The following COL28A1 variants were observed in gnomAD, a reference collection of about 807,000 sequenced individuals.
COL28A1 encodes the protein collagen alpha-1(XXVIII) chain.
In COL28A1, 161 loss-of-function variants were observed where a neutral mutation model predicts 150.2. The observed-to-expected ratio is 1.07, with a 90% CI of 0.94 to 1.22. COL28A1 has a LOEUF of 1.22. Ranked by LOEUF, COL28A1 falls within the 50% of genes most tolerant of loss-of-function variation. COL28A1 has a pLI of 0.00. For synonymous variants in COL28A1, 552 were observed against 469.7 expected, an observed-to-expected ratio of 1.18 and a Z score of -2.26; for missense variants, 1,617 against 1,388.3, an observed-to-expected ratio of 1.16 and a Z score of -2.62.
chr7:7,394,347 C>T (rs1782720974), intron 27 of COL28A1, among the ~76,000 whole-genome samples: 1 of 152,184 alleles, frequency 6.6e-6, no homozygotes, highest in African/African-American at 2.4e-5. Flanking sequence ...ATTGATCTCA[C>T]TGGGAGCTGC....
rs139749295 is a variant in COL28A1 at position 7,386,487 on chromosome 7, T to C, written c.2137-4875A>G. ...TGCAGGGCATCCCGCCAATTCAGCA[T>C]CTAAGGAAAGTCAAGATCCTTCAAG... On this transcript the variant is annotated intron_variant, in intron 27 of 34. Coordinates refer to ENST00000399429, the MANE Select transcript of COL28A1 (RefSeq NM_001037763.3). 5.9e-5 allele frequency among the ~76,000 whole-genome samples: 9 copies of C among 152,322 alleles called. No homozygotes were observed. The East Asian group carries it at 9.6e-4, about 16-fold the overall frequency.
At chr7:7,410,003 C>T (rs1783693708) in intron 27 of COL28A1, among the ~76,000 whole-genome samples, 1 of 152,198 alleles carries the variant, frequency 6.6e-6, no homozygotes, top group African/African-American at 2.4e-5. Flanking sequence ...AAACAGCCTA[C>T]TATATCCTCA....
At chr7:7,511,217 A>C (rs1240012348) in intron 8 of COL28A1, 82 bp from the exon 9 acceptor site, 2 of 1,132,284 alleles carry the variant, frequency 1.8e-6, no homozygotes, top group Non-Finnish European at 2.6e-6. Context: ...TGTTTTTTAA[A>C]TTCCCAGCAG....
intron 11 of COL28A1, among the ~76,000 whole-genome samples, chr7:7,501,520 T>C (rs1312354503): frequency 6.6e-6 from 1 of 152,006 alleles, no homozygotes; most frequent in Non-Finnish European, 1.5e-5. Flanking sequence ...GAAATGCCCT[T>C]CAGAAATAAC....
At position 7,520,003 on chromosome 7, in the gene COL28A1, T is replaced by TA. The variant is rs141901590; in HGVS notation, c.813+58dup. ...CTTTTTATTTTTAAAATTGTTGTTT[T>TA]AAAAAAAAAGTCTAGAAGGAGATAC... is the stretch of plus-strand genomic sequence containing the variant. On this transcript the variant is annotated intron_variant, in intron 6 of 34. Transcript: ENST00000399429. 0.011 allele frequency: 9,027 copies of TA among 827,284 alleles called. 505 individuals carry two copies. The African/African-American group carries it at 0.13, about 12-fold the overall frequency. The allele number at this position is 827,284 out of a possible 1,614,324, so 51.2% of individuals were successfully genotyped here.
At chr7:7,501,159 C>T (rs936862114) in intron 11 of COL28A1, among the ~76,000 whole-genome samples, 1 of 152,190 alleles carries the variant, frequency 6.6e-6, no homozygotes, top group African/African-American at 2.4e-5. Flanking sequence ...AAGTTTCTTA[C>T]ACTTGACTGT....
At chr7:7,501,687 A>T (rs1382978748) in intron 11 of COL28A1, among the ~76,000 whole-genome samples, 2 of 152,150 alleles carry the variant, frequency 1.3e-5, no homozygotes, top group African/African-American at 4.8e-5. Flanking sequence ...TAGTAATTAA[A>T]GGCCTTTTTC....
At chr7:7,391,762 T>G (rs1236579931) in intron 27 of COL28A1, among the ~76,000 whole-genome samples, 1 of 151,870 alleles carries the variant, frequency 6.6e-6, no homozygotes, top group African/African-American at 2.4e-5. Context: ...TTTGTTGATT[T>G]AAAGTCTGTT....
intron 25 of COL28A1, among the ~76,000 whole-genome samples, chr7:7,424,719 C>T (rs983000741): frequency 2.0e-5 from 3 of 152,092 alleles, no homozygotes; most frequent in African/African-American, 7.2e-5. Context: ...CCCACTCTCT[C>T]AAAAGAAGAA....
At chr7:7,474,721 A>T in intron 14 of COL28A1, 52 bp from the exon 15 acceptor site, 1 of 860,418 alleles carries the variant, frequency 1.2e-6, no homozygotes, top group East Asian at 2.4e-5. Context: ...CTGAATTTTA[A>T]AAGAGTTTAC....
intron 11 of COL28A1, among the ~76,000 whole-genome samples, chr7:7,497,097 G>GGAA (rs1306995071): frequency 7.8e-5 from 10 of 128,298 alleles, no homozygotes; most frequent in Non-Finnish European, 1.1e-4. Context: ...AAGGAAGAAA[G>GGAA]GAAGGAAGGA....
chr7:7,380,290 CA>C (rs1781799279), intron 30 of COL28A1, among the ~76,000 whole-genome samples: 1 of 151,986 alleles, frequency 6.6e-6, no homozygotes, highest in Non-Finnish European at 1.5e-5. Context: ...GGAACTAGTT[CA>C]GGAAAAAAGA....
rs199695945 is a variant in COL28A1 at position 7,373,497 on chromosome 7, G to A, written c.2409C>T (p.Ile803=). ...KETPLELVFV[I]DSSESVGPEN... is the part of the protein sequence containing the mutation. ...CTGGCCCCACGCTTTCTGAGCTGTC[G>A]ATCACAAACACCAGCTCTAGTGGAG... The change falls in exon 32 of 35, where the codon ATC becomes ATT. Residue 803 remains isoleucine (I), a synonymous_variant. Transcript: ENST00000399429. This position sits in a 1 kb window ranked among gnomAD's most constrained non-coding sequence, Gnocchi z 4.1. 4.5e-4 allele frequency: 729 copies of A among 1,613,796 alleles called. 10 individuals are homozygous for A. The South Asian group carries it at 6.9e-3, about 15-fold the overall frequency.
At chr7:7,471,201 C>G (rs546290058) in intron 15 of COL28A1, among the ~76,000 whole-genome samples, 6 of 148,614 alleles carry the variant, frequency 4.0e-5, no homozygotes, top group Non-Finnish European at 7.4e-5. Context: ...CTTAACAGAC[C>G]AATAACAAGC....
chr7:7,458,674 G>C (rs1336892290), intron 15 of COL28A1, among the ~76,000 whole-genome samples: 1 of 152,136 alleles, frequency 6.6e-6, no homozygotes, highest in Non-Finnish European at 1.5e-5. Flanking sequence ...ATCAGATATT[G>C]TGCTTAATGC....
At chr7:7,417,610 A>G (rs1784176670) in intron 27 of COL28A1, 2 of 419,972 alleles carry the variant, frequency 4.8e-6, no homozygotes, top group Non-Finnish European at 8.4e-6. Context: ...CAAAGAGGGG[A>G]AAGCAACAAA....
chr7:7,487,176 G>A lies in COL28A1; in HGVS notation c.1164+2213C>T, dbSNP rs144276243. On this transcript the variant is annotated intron_variant, in intron 13 of 34. Coordinates refer to ENST00000399429, the MANE Select transcript of COL28A1 (RefSeq NM_001037763.3). Reference sequence around the variant, plus strand: ...ATTTAAAAAAAAACATTTTAAGAACGACAATGAATAAGTGACACTCATTCT... The same window carrying A: ...ATTTAAAAAAAAACATTTTAAGAACAACAATGAATAAGTGACACTCATTCT... 1.2e-4 allele frequency among the ~76,000 whole-genome samples: 18 copies of A among 151,396 alleles called. No individual in the cohort carries two copies. In the East Asian group the frequency reaches 2.5e-3, roughly 21 times the overall value.
In COL28A1 at chr7:7,375,512, G is replaced by C. The variant is rs756499255; in HGVS notation, c.2323-15C>G. On this transcript the variant is annotated splice_polypyrimidine_tract_variant and intron_variant, in intron 30 of 34. Transcript: ENST00000399429. ...ATTTCTTCTTTCTAGGGGATAAAAA[G>C]AAAAATGTATTACTATATGTATGAC... The C allele has an allele frequency of 5.4e-6, 8 of 1,486,916 alleles. No individual in the cohort carries two copies. The African/African-American group carries it at 6.9e-5, about 13-fold the overall frequency. The allele number at this position is 1,486,916 out of a possible 1,614,324, so 92.1% of individuals were successfully genotyped here.
intron 33 of COL28A1, among the ~76,000 whole-genome samples, chr7:7,368,389 G>T (rs200768009): frequency 6.7e-6 from 1 of 150,124 alleles, no homozygotes; most frequent in Non-Finnish European, 1.5e-5. Flanking sequence ...TTTGCCTACT[G>T]TTTTTTTTGT....
Sources: gnomAD v4.1 joint callset for allele counts (sites outside exome capture counted in the v4.1 genomes callset) on GRCh38, gnomAD v4.1.1 for gene constraint, Gnocchi (gnomAD v3.1) non-coding constraint, MANE v1.5 for transcripts, NCBI Gene and HGNC (gene_info 2026-07-23, HGNC 2026-07-21) for gene names.